The following EPHA4 variants were observed in gnomAD, a reference collection of about 807,000 sequenced individuals.
EPHA4 encodes the protein ephrin type-A receptor 4.
EPHA4 carries 19 observed loss-of-function variants against 108.3 expected under a neutral mutation model. The ratio of observed to expected loss-of-function variants is 0.18; its 90% confidence interval spans 0.12 to 0.26. The LOEUF (loss-of-function observed/expected upper bound fraction) is 0.26. Among genes scored for constraint, EPHA4 ranks in the 10% least tolerant of loss-of-function variants. The pLI, the probability that EPHA4 is intolerant of heterozygous loss-of-function variation, is 1.00. For synonymous variants in EPHA4, 449 were observed against 455.5 expected (o/e 0.99, Z 0.18); for missense variants, 917 against 1,254.0 (o/e 0.73, Z 4.06).
chr2:221,476,930 A>T (rs1691669555), intron 5 of EPHA4, among the ~76,000 whole-genome samples: 1 of 152,252 alleles, frequency 6.6e-6, no homozygotes, highest in East Asian at 1.9e-4. Flanking sequence ...TACTTGACAA[A>T]GAGAGTTAAC....
chr2:221,446,235 A>T, intron 8 of EPHA4, 54 bp from the exon 9 acceptor site: 1 of 1,109,406 alleles, frequency 9.0e-7, no homozygotes, highest in Non-Finnish European at 1.3e-6. Flanking sequence ...CCTAAGCTTT[A>T]ACACATGCCA....
chr2:221,437,088 C>T lies in EPHA4; in HGVS notation c.2109G>A (p.Glu703=), dbSNP rs758544317. 4.0e-5 allele frequency: 64 copies of T among 1,612,590 alleles called. 1 individual carries two copies. The South Asian group carries it at 7.0e-4, about 18-fold the overall frequency. ...TGAGGAATGCATCCAAGGAGCCATT[C>T]TCCATGTACTCTGTTATGATCATTA... ...KPVMIITEYM[E]NGSLDAFLRK... Residue 703 remains glutamate (E), a synonymous_variant, in exon 12 of 18, where the codon GAG becomes GAA. Coordinates refer to ENST00000281821, the MANE Select transcript of EPHA4 (RefSeq NM_004438.5).
intron 3 of EPHA4, among the ~76,000 whole-genome samples, chr2:221,539,568 T>C (rs1396786297): frequency 2.0e-5 from 3 of 152,168 alleles, no homozygotes; most frequent in Non-Finnish European, 4.4e-5. Context: ...AGCAGCTAGA[T>C]TCTTAGAATA....
At chr2:221,533,539 C>T (rs1245078180) in intron 3 of EPHA4, among the ~76,000 whole-genome samples, 2 of 152,120 alleles carry the variant, frequency 1.3e-5, no homozygotes, top group East Asian at 3.9e-4. Context: ...CATGGGTCTA[C>T]ACCCATCTGT....
At position 221,444,626 on chromosome 2, in the gene EPHA4, C is replaced by T. The variant is rs577697098; in HGVS notation, c.1775-1020G>A. On this transcript the variant is annotated intron_variant, in intron 9 of 17. Transcript: ENST00000281821. ...TAAAAAACATGATTTTAGGAGGAAA[C>T]GAGGTGAATAAATGGAAAGTTGTTA... 1.3e-3 allele frequency among the ~76,000 whole-genome samples: 193 copies of T among 151,660 alleles called. 1 individual carries two copies. The highest frequency in any genetic ancestry group is 3.9e-3 in the Admixed American group (60 of 15,240).
At chr2:221,561,326 A>G (rs894674424) in intron 3 of EPHA4, among the ~76,000 whole-genome samples, 2 of 152,312 alleles carry the variant, frequency 1.3e-5, no homozygotes, top group African/African-American at 4.8e-5. Flanking sequence ...TTACCTAACT[A>G]CATCAGAAAT....
chr2:221,482,640 C>A lies in EPHA4; in HGVS notation c.1030G>T (p.Val344Leu), dbSNP rs1691856529. The stretch of plus-strand genomic sequence containing the variant: ...TGAGGGCTACTCCATTCCAAGTTCA[C>A]AGATGTCTCGTTGACATTTGAAATC... ...NLISNVNETSVNLEWSSPQNT... is the reference protein window; with the variant it reads ...NLISNVNETSLNLEWSSPQNT... Residue 344 changes from valine (V) to leucine (L), a missense_variant, in exon 5 of 18, where the codon GTG becomes TTG. This residue lies in a region of EPHA4 where 758 missense variants were observed against 1,076.7 expected (regional missense o/e 0.70). Transcript: ENST00000281821. The A allele has an allele frequency of 6.2e-7, 1 of 1,606,152 alleles. No homozygotes were observed. Among genetic ancestry groups the A allele is most frequent in the African/African-American group, 1.3e-5 (1 of 74,900 alleles).
intron 15 of EPHA4, among the ~76,000 whole-genome samples, chr2:221,428,656 A>G (rs953934248): frequency 1.3e-5 from 2 of 152,222 alleles, no homozygotes; most frequent in Non-Finnish European, 2.9e-5. Context: ...CCTTATAGTC[A>G]TCTATTTCAC....
At position 221,566,938 on chromosome 2, in the gene EPHA4, G is replaced by GGAAGAGGAAGA. The variant is rs1559297299; in HGVS notation, c.159+1779_159+1780insTCTTCCTCTTC. Among the ~76,000 whole-genome samples, 6 of 11,794 alleles carry GGAAGAGGAAGA rather than the reference G, an allele frequency of 5.1e-4. 2 individuals are homozygous for GGAAGAGGAAGA. Among genetic ancestry groups the GGAAGAGGAAGA allele is most frequent in the African/African-American group, 2.9e-3 (6 of 2,050 alleles). 7.7% of individuals were successfully genotyped at this position (11,794 alleles called of 152,430 possible). ...GGAGAAGGAGAAGGAGAAGGAGAAG[G>GGAAGAGGAAGA]AGAAGGAGAAGGAGAAGGGGAAGAG... On this transcript the variant is annotated intron_variant, in intron 2 of 17. Transcript: ENST00000281821.
At chr2:221,539,041 T>G (rs1180053668) in intron 3 of EPHA4, among the ~76,000 whole-genome samples, 3 of 152,104 alleles carry the variant, frequency 2.0e-5, no homozygotes, top group Admixed American at 2.0e-4. Flanking sequence ...AGTATCCAAC[T>G]GAAGGGGAAA....
At chr2:221,522,735 CTATTATTATTAT>C (rs6147191) in intron 3 of EPHA4, among the ~76,000 whole-genome samples, 39 of 148,726 alleles carry the variant, frequency 2.6e-4, no homozygotes, top group Middle Eastern at 3.5e-3. Context: ...AAATAAAATC[CTATTATTATTAT>C]TATTATTATT....
At position 221,482,315 on chromosome 2, in the gene EPHA4, C is replaced by T. The variant is rs185218012; in HGVS notation, c.1318+37G>A. 5.2e-4 allele frequency: 781 copies of T among 1,500,596 alleles called. 2 individuals carry two copies. The highest frequency in any genetic ancestry group is 1.7e-3 in the Admixed American group (88 of 52,816). 93.0% of individuals were successfully genotyped at this position (1,500,596 alleles called of 1,614,324 possible). A position where few individuals can be genotyped will look rare whatever the true frequency, so the allele number is the denominator to read the frequency against. ...TTATTTTAAGCCTTTTCTCTGTATA[C>T]ATTCAGATCATACAATAAAGTAGAT... On this transcript the variant is annotated intron_variant, in intron 5 of 17. Transcript: ENST00000281821.
chr2:221,478,670 T>C (rs1414747435), intron 5 of EPHA4, among the ~76,000 whole-genome samples: 2 of 152,122 alleles, frequency 1.3e-5, no homozygotes, highest in African/African-American at 4.8e-5. Flanking sequence ...CTCATCTCAT[T>C]AGAGAATTTG....
chr2:221,446,118 TG>T lies in EPHA4; in HGVS notation c.1774+4del. On this transcript the variant is annotated splice_donor_region_variant and intron_variant, in intron 9 of 17. Transcript: ENST00000281821. ...AATAGAATTTTTTAATCCAATTTTT[TG>T]TACCTTGATTCAAATGTTTCTCTTC... is the stretch of plus-strand genomic sequence containing the variant. 6.5e-7 allele frequency: 1 copy of T among 1,534,024 alleles called. No homozygotes were observed. Among genetic ancestry groups the T allele is most frequent in the East Asian group, 2.4e-5 (1 of 41,028 alleles).
At chr2:221,464,306 G>C (rs1224808787) in intron 5 of EPHA4, among the ~76,000 whole-genome samples, 1 of 152,120 alleles carries the variant, frequency 6.6e-6, no homozygotes, top group Non-Finnish European at 1.5e-5. Context: ...GGTGGTTTTT[G>C]TTCCCATTTC....
chr2:221,515,078 T>C (rs1048874934), intron 3 of EPHA4, among the ~76,000 whole-genome samples: 3 of 152,190 alleles, frequency 2.0e-5, no homozygotes, highest in African/African-American at 4.8e-5. Context: ...GGATTCTATT[T>C]ACAAGATGCT....
intron 2 of EPHA4, among the ~76,000 whole-genome samples, chr2:221,566,200 T>G (rs1214496803): frequency 6.6e-6 from 1 of 152,184 alleles, no homozygotes; most frequent in African/African-American, 2.4e-5. Context: ...TAATTTATAT[T>G]TTCCTTGGTG....
In EPHA4 at chr2:221,458,005, C is replaced by T. The variant is rs542895026; in HGVS notation, c.1319-15G>A. 6.3e-7 allele frequency: 1 copy of T among 1,598,632 alleles called. No homozygotes were observed. Among genetic ancestry groups the T allele is most frequent in the African/African-American group, 1.3e-5 (1 of 74,248 alleles). On this transcript the variant is annotated splice_polypyrimidine_tract_variant and intron_variant, in intron 5 of 17. Transcript: ENST00000281821. ...GGATGATGGTGCTGTTAGAAAAAAA[C>T]AAAAGACAAAAGATATTTTCTTTAG...
intron 3 of EPHA4, among the ~76,000 whole-genome samples, chr2:221,519,969 G>C (rs548837128): frequency 6.6e-6 from 1 of 151,640 alleles, no homozygotes; most frequent in African/African-American, 2.4e-5. Flanking sequence ...GTAGTTTCTC[G>C]GTGTCTCTTC....
Sources: gnomAD v4.1 joint callset for allele counts (sites outside exome capture counted in the v4.1 genomes callset) on GRCh38, gnomAD v4.1.1 for gene constraint, gnomAD v4.1.1 regional missense constraint, MANE v1.5 for transcripts, NCBI Gene and HGNC (gene_info 2026-07-23, HGNC 2026-07-21) for gene names.